SLC9A9: variants seen among roughly 807,000 people sequenced by gnomAD.
SLC9A9 encodes sodium/hydrogen exchanger 9.
SLC9A9 carries 62 observed loss-of-function variants against 77.8 expected under a neutral mutation model. The observed-to-expected ratio is 0.80, with a 90% confidence interval of 0.65 to 0.98. The LOEUF is 0.98. Among genes scored for constraint, SLC9A9 ranks in the 50% least tolerant of loss-of-function variants. SLC9A9 has a pLI of 0.00. For synonymous variants in SLC9A9, 320 were observed against 283.5 expected (o/e 1.13, Z -1.29); for missense variants, 775 against 774.9 (o/e 1.00, Z 0.00).
At chr3:143,772,820 A>G (rs1452957589) in intron 4 of SLC9A9, among the ~76,000 whole-genome samples, 1 of 152,252 alleles carries the variant, frequency 6.6e-6, no homozygotes. Context: ...CAGAAGCGTC[A>G]TATCAGCTCT....
intron 12 of SLC9A9, among the ~76,000 whole-genome samples, chr3:143,406,497 C>A (rs1427946391): frequency 6.6e-6 from 1 of 151,988 alleles, no homozygotes. Context: ...CCTGTCCCAG[C>A]CTCCCGAGTA....
At chr3:143,741,948 C>T (rs571603092) in intron 4 of SLC9A9, among the ~76,000 whole-genome samples, 1 of 152,232 alleles carries the variant, frequency 6.6e-6, no homozygotes, top group South Asian at 2.1e-4. Flanking sequence ...ACAGCCCTTT[C>T]TCAAAGCAGA....
At chr3:143,478,514 G>C (rs2035520256) in intron 11 of SLC9A9, among the ~76,000 whole-genome samples, 1 of 152,214 alleles carries the variant, frequency 6.6e-6, no homozygotes, top group South Asian at 2.1e-4. Context: ...GGCTTGGTCA[G>C]TCTGGGAAGG....
chr3:143,394,191 C>T (rs1333579713), intron 12 of SLC9A9, among the ~76,000 whole-genome samples: 4 of 152,068 alleles, frequency 2.6e-5, no homozygotes, highest in African/African-American at 4.8e-5. Context: ...AACATCAATG[C>T]AAAAATCCTC....
chr3:143,367,737 C>A (rs2032949816), intron 13 of SLC9A9, among the ~76,000 whole-genome samples: 1 of 152,170 alleles, frequency 6.6e-6, no homozygotes, highest in African/African-American at 2.4e-5. Flanking sequence ...AAGCAGAGAT[C>A]AGCTCACACC....
chr3:143,393,146 C>T (rs2033612268), intron 12 of SLC9A9, among the ~76,000 whole-genome samples: 1 of 152,296 alleles, frequency 6.6e-6, no homozygotes, highest in African/African-American at 2.4e-5. Context: ...AATATACATT[C>T]TTCTCTGCAC....
At chr3:143,471,717 C>G (rs2035381197) in intron 11 of SLC9A9, among the ~76,000 whole-genome samples, 2 of 152,154 alleles carry the variant, frequency 1.3e-5, no homozygotes. Context: ...GGTCGACAGA[C>G]TATACCATTT....
intron 8 of SLC9A9, among the ~76,000 whole-genome samples, chr3:143,568,400 T>C (rs1196610457): frequency 6.6e-6 from 1 of 152,154 alleles, no homozygotes; most frequent in African/African-American, 2.4e-5. Context: ...AGTGAGAATG[T>C]GTTGGGGCAG....
intron 12 of SLC9A9, among the ~76,000 whole-genome samples, chr3:143,432,710 C>T (rs1351530154): frequency 6.6e-6 from 1 of 152,204 alleles, no homozygotes; most frequent in African/African-American, 2.4e-5. Flanking sequence ...TCACTGCAAC[C>T]TCCGCCTCCC....
At chr3:143,791,658 C>A (rs2008228882) in intron 4 of SLC9A9, among the ~76,000 whole-genome samples, 1 of 152,328 alleles carries the variant, frequency 6.6e-6, no homozygotes, top group African/African-American at 2.4e-5. Flanking sequence ...CATGGAAAAT[C>A]TGACTTCTTT....
chr3:143,638,231 C>T (rs138311266), intron 6 of SLC9A9, among the ~76,000 whole-genome samples: 2,065 of 152,282 alleles, frequency 0.014, 21 homozygotes, highest in Non-Finnish European at 0.02. Flanking sequence ...ATATAGCATG[C>T]TCACCTTAAT....
intron 9 of SLC9A9, among the ~76,000 whole-genome samples, chr3:143,538,326 G>C (rs141174171): frequency 1.3e-5 from 2 of 152,260 alleles, no homozygotes; most frequent in African/African-American, 4.8e-5. Flanking sequence ...TACTATAAGA[G>C]CAAGCCAAAA....
At chr3:143,564,742 A>G (rs1230775497) in intron 8 of SLC9A9, among the ~76,000 whole-genome samples, 1 of 152,206 alleles carries the variant, frequency 6.6e-6, no homozygotes, top group Non-Finnish European at 1.5e-5. Context: ...ACATCAATAT[A>G]GAAAACAGCA....
intron 4 of SLC9A9, among the ~76,000 whole-genome samples, chr3:143,754,595 C>T (rs1255159286): frequency 5.3e-5 from 8 of 152,108 alleles, no homozygotes; most frequent in Admixed American, 5.2e-4. Flanking sequence ...GGCTTTTCCC[C>T]ATGTAAGCGA....
At chr3:143,676,602 C>T (rs1050809320) in intron 5 of SLC9A9, among the ~76,000 whole-genome samples, 2 of 151,714 alleles carry the variant, frequency 1.3e-5, no homozygotes, top group African/African-American at 2.4e-5. Context: ...CTGGGCGTGG[C>T]GGCGTGTGTC....
chr3:143,520,217 C>T (rs1415376607), intron 9 of SLC9A9, among the ~76,000 whole-genome samples: 1 of 152,184 alleles, frequency 6.6e-6, no homozygotes. Flanking sequence ...TGTTGAAGCA[C>T]TCACTAATCC....
At chr3:143,573,549 ACTCT>A (rs922344114) in intron 8 of SLC9A9, among the ~76,000 whole-genome samples, 5 of 151,812 alleles carry the variant, frequency 3.3e-5, no homozygotes, top group Non-Finnish European at 7.4e-5. Context: ...ACCTTAGAGG[ACTCT>A]CTCTATAGAC....
intron 6 of SLC9A9, among the ~76,000 whole-genome samples, chr3:143,625,975 C>T (rs188198076): frequency 1.5e-3 from 232 of 152,268 alleles, no homozygotes; most frequent in African/African-American, 5.2e-3. Flanking sequence ...AGACACTTCT[C>T]AAAAGAAGAC....
At chr3:143,436,141 C>T (rs1389885371) in intron 12 of SLC9A9, among the ~76,000 whole-genome samples, 1 of 152,164 alleles carries the variant, frequency 6.6e-6, no homozygotes, top group African/African-American at 2.4e-5. Flanking sequence ...CCTGTCCGGA[C>T]ATCAGGGCTG....
Sources: gnomAD v4.1 joint callset for allele counts (sites outside exome capture counted in the v4.1 genomes callset) on GRCh38, gnomAD v4.1.1 for gene constraint, MANE v1.5 for transcripts, NCBI Gene and HGNC (gene_info 2026-07-23, HGNC 2026-07-21) for gene names.